Variants in GALNTL6 observed in about 807,000 individuals in gnomAD.
GALNTL6 encodes polypeptide N-acetylgalactosaminyltransferase like 6.
A neutral mutation model predicts 73.7 loss-of-function variants in GALNTL6; 46 were observed. The ratio of observed to expected loss-of-function variants is 0.62; its 90% CI spans 0.49 to 0.80. The LOEUF is 0.80. Ranked by LOEUF, GALNTL6 falls within the 30% of genes least tolerant of loss-of-function variation. GALNTL6 has a pLI of 0.00. For missense variants in GALNTL6, 604 were observed against 755.0 expected (o/e 0.80, Z 2.34); for synonymous variants, 259 against 263.7 (o/e 0.98, Z 0.17).
intron 2 of GALNTL6, among the ~76,000 whole-genome samples, chr4:172,156,568 C>CTATATATATATATAT (rs1560945829): frequency 4.3e-5 from 5 of 115,790 alleles, no homozygotes; most frequent in African/African-American, 1.9e-4. Flanking sequence ...TATATATATA[C>CTATATATATATATAT]ATACTATATA....
At chr4:172,280,177 T>A (rs1446450570) in intron 3 of GALNTL6, among the ~76,000 whole-genome samples, 1 of 152,196 alleles carries the variant, frequency 6.6e-6, no homozygotes, top group Non-Finnish European at 1.5e-5. Context: ...CCAAACATAT[T>A]TATCACTAAT....
intron 4 of GALNTL6, among the ~76,000 whole-genome samples, chr4:172,314,276 A>G (rs1740466852): frequency 6.6e-6 from 1 of 152,202 alleles, no homozygotes; most frequent in African/African-American, 2.4e-5. Context: ...TTTCCTTTTC[A>G]GTAAGCCAAT....
rs144839553 is a variant in GALNTL6, at chr4:171,823,706, G to A, written c.138+8988G>A. 2.8e-3 allele frequency among the ~76,000 whole-genome samples: 420 copies of A among 151,626 alleles called. 4 individuals carry two copies. The highest frequency in any genetic ancestry group is 9.7e-3 in the African/African-American group (400 of 41,376). Reference sequence around the variant, plus strand: ...ACTGACGACTATAATACTGAAAGGAGATGTCAGGAAACCATACAGCCACCT... The same window carrying A: ...ACTGACGACTATAATACTGAAAGGAAATGTCAGGAAACCATACAGCCACCT... On this transcript the variant is annotated intron_variant, in intron 2 of 12. Transcript: ENST00000506823.
intron 5 of GALNTL6, among the ~76,000 whole-genome samples, chr4:172,721,321 G>A (rs1262813906): frequency 6.6e-6 from 1 of 152,050 alleles, no homozygotes; most frequent in Non-Finnish European, 1.5e-5. Context: ...TAAAGAGAAG[G>A]GGGCAGAAAA....
At chr4:172,779,871 G>T (rs937897606) in intron 5 of GALNTL6, among the ~76,000 whole-genome samples, 1 of 151,956 alleles carries the variant, frequency 6.6e-6, no homozygotes, top group South Asian at 2.1e-4. Context: ...TCCCCTTATC[G>T]TTGAGCTAAC....
chr4:172,021,602 T>G (rs1054710526), intron 2 of GALNTL6, among the ~76,000 whole-genome samples: 1 of 152,008 alleles, frequency 6.6e-6, no homozygotes, highest in African/African-American at 2.4e-5. Context: ...TCCTAAATTT[T>G]ATATGGAACC....
At chr4:172,391,883 A>T (rs1171347966) in intron 5 of GALNTL6, among the ~76,000 whole-genome samples, 2 of 152,236 alleles carry the variant, frequency 1.3e-5, no homozygotes, top group Non-Finnish European at 2.9e-5. Flanking sequence ...AGGAACTAAA[A>T]TAAGTTCCTT....
intron 5 of GALNTL6, among the ~76,000 whole-genome samples, chr4:172,645,162 A>G (rs1740180247): frequency 6.6e-6 from 1 of 152,072 alleles, no homozygotes; most frequent in South Asian, 2.1e-4. Flanking sequence ...TCATTATTAT[A>G]ATAGTGTCTT....
intron 2 of GALNTL6, among the ~76,000 whole-genome samples, chr4:172,171,361 A>G (rs1182020127): frequency 6.6e-6 from 1 of 152,234 alleles, no homozygotes; most frequent in Non-Finnish European, 1.5e-5. Flanking sequence ...ATTAAATAGT[A>G]TCATAAAAAT....
chr4:171,894,791 A>T (rs1736863783), intron 2 of GALNTL6, among the ~76,000 whole-genome samples: 1 of 152,200 alleles, frequency 6.6e-6, no homozygotes, highest in Admixed American at 6.5e-5. Context: ...GAGCTGAAAG[A>T]GTTCCAAGGG....
intron 2 of GALNTL6, among the ~76,000 whole-genome samples, chr4:171,933,767 C>T (rs916429509): frequency 5.9e-5 from 9 of 151,990 alleles, no homozygotes; most frequent in South Asian, 4.1e-4. Flanking sequence ...AGCAGTCACA[C>T]GAATTATAAA....
chr4:172,563,269 C>T (rs183201336), intron 5 of GALNTL6, among the ~76,000 whole-genome samples: 146 of 152,230 alleles, frequency 9.6e-4, no homozygotes, highest in Non-Finnish European at 1.4e-3. Context: ...CTTCTCTCCC[C>T]CATGATAACC....
chr4:172,580,884 T>C (rs2110972666), intron 5 of GALNTL6, among the ~76,000 whole-genome samples: 1 of 152,262 alleles, frequency 6.6e-6, no homozygotes, highest in East Asian at 1.9e-4. Flanking sequence ...GGTTCAAGCC[T>C]CCCGAGTAGC....
chr4:172,669,160 G>A (rs1050312574), intron 5 of GALNTL6: 3 of 152,176 alleles, frequency 2.0e-5, no homozygotes, highest in Admixed American at 6.5e-5. Context: ...TAAATTGTGT[G>A]TAATAGTTGT....
chr4:172,342,532 C>T (rs333409), intron 4 of GALNTL6, among the ~76,000 whole-genome samples: 14,702 of 152,152 alleles, frequency 0.097, 793 homozygotes, highest in East Asian at 0.18. Flanking sequence ...AAAACTCTGT[C>T]TCAATTCTCA....
intron 5 of GALNTL6, among the ~76,000 whole-genome samples, chr4:172,419,176 CGA>C (rs1469753348): frequency 4.6e-5 from 7 of 151,938 alleles, no homozygotes; most frequent in Non-Finnish European, 1.0e-4. Context: ...TCATGAATAT[CGA>C]GAATTTTTTC....
At chr4:172,581,487 AC>A (rs1197233766) in intron 5 of GALNTL6, among the ~76,000 whole-genome samples, 1 of 152,170 alleles carries the variant, frequency 6.6e-6, no homozygotes, top group Non-Finnish European at 1.5e-5. Context: ...CCAGGACTCC[AC>A]AAAAGGCCTT....
chr4:172,606,606 A>ATATAG lies in GALNTL6; in HGVS notation c.554-202751_554-202750insGTATA, dbSNP rs1185432626. On this transcript the variant is annotated intron_variant, in intron 5 of 12. Coordinates refer to ENST00000506823, the MANE Select transcript of GALNTL6 (RefSeq NM_001034845.3). ...TGTATATATATACACATATATACAT[A>ATATAG]TATACATATATAGTATATATATACT... Among the ~76,000 whole-genome samples the ATATAG allele has an allele frequency of 7.6e-3, 795 of 104,188 alleles. 12 individuals are homozygous for ATATAG. The highest frequency in any genetic ancestry group is 0.022 in the African/African-American group (653 of 29,402). The allele number at this position is 104,188 out of a possible 152,430, so 68.4% of individuals were successfully genotyped here. A position where few individuals can be genotyped will look rare whatever the true frequency, so the allele number is the denominator to read the frequency against.
At position 172,274,753 on chromosome 4, in the gene GALNTL6, C is replaced by A. The variant is rs562455155; in HGVS notation, c.248-36861C>A. ...TTGTTTCTTAAGAATTTTCAGAATT[C>A]ATAGCCATTATTCTTTACTCAAGAA... On this transcript the variant is annotated intron_variant, in intron 3 of 12. Coordinates refer to ENST00000506823, the MANE Select transcript of GALNTL6 (RefSeq NM_001034845.3). Among the ~76,000 whole-genome samples, 8 of 152,300 alleles carry A rather than the reference C, an allele frequency of 5.3e-5. No homozygotes were observed. The South Asian group carries it at 1.7e-3, about 32-fold the overall frequency.
Sources: allele counts gnomAD v4.1 joint callset (sites outside exome capture counted in the v4.1 genomes callset), GRCh38; gene constraint gnomAD v4.1.1; transcripts MANE v1.5; gene names NCBI Gene and HGNC (gene_info 2026-07-23, HGNC 2026-07-21).